The following SASH1 variants were observed in gnomAD, a reference collection of about 807,000 sequenced individuals.
SASH1 encodes SAM and SH3 domain-containing protein 1.
In SASH1, 44 loss-of-function variants were observed where a neutral mutation model predicts 125.2. The ratio of observed to expected loss-of-function variants is 0.35; its 90% CI spans 0.28 to 0.45. SASH1 has a LOEUF of 0.45. Among genes scored for constraint, SASH1 ranks in the 20% least tolerant of loss-of-function variants. The pLI, the probability that SASH1 is intolerant of heterozygous loss-of-function variation, is 1.00. For missense variants in SASH1, 1,426 were observed against 1,614.5 expected (o/e 0.88, Z 2.00); for synonymous variants, 639 against 649.1 (o/e 0.98, Z 0.24).
At chr6:148,522,236 A>G (rs1780861158) in intron 10 of SASH1, among the ~76,000 whole-genome samples, 1 of 152,252 alleles carries the variant, frequency 6.6e-6, no homozygotes. Context: ...AGGAAGTTAT[A>G]TATTTGCATA....
rs769692032 is a variant in SASH1 at position 148,532,868 on chromosome 6, G to A, written c.1636G>A (p.Asp546Asn). The A allele has an allele frequency of 6.2e-7, 1 of 1,614,246 alleles. No homozygotes were observed. The highest frequency in any genetic ancestry group is 8.5e-7 in the Non-Finnish European group (1 of 1,180,048). ...AAGCGTCAAGTCGGAAGATGGGGAT[G>A]ACGAAGAGCCGCCTTACCGAGGCCC... ...RESVKSEDGD[D>N]EEPPYRGPFC... is the part of the protein sequence containing the mutation. Residue 546 changes from aspartate to asparagine, a missense_variant, in exon 14 of 20, where the codon GAC becomes AAC. Asp to Asn is a conservative substitution (Grantham distance 23, BLOSUM62 1). Around this residue, in one of 3 missense-constraint regions of SASH1, gnomAD observed 225 missense variants for 344.5 expected, o/e 0.65. Coordinates refer to ENST00000367467, the MANE Select transcript of SASH1 (RefSeq NM_015278.5). The surrounding 1 kb of genome is among the most constrained non-coding windows in gnomAD (Gnocchi z 4.7).
intron 4 of SASH1, among the ~76,000 whole-genome samples, chr6:148,443,043 TG>T (rs1433837361): frequency 2.0e-5 from 3 of 151,526 alleles, no homozygotes; most frequent in African/African-American, 7.3e-5. Flanking sequence ...CCCAAAGTGC[TG>T]GGATTACAGG....
At chr6:148,508,305 G>A (rs6935952) in intron 8 of SASH1, 94,658 of 166,676 alleles carry the variant, frequency 0.57, 27,163 homozygotes, top group Admixed American at 0.69. Flanking sequence ...AATTGAGACT[G>A]CTCCCTTAAG....
chr6:148,303,539 G>A (rs966775046), intron 1 of SASH1, among the ~76,000 whole-genome samples: 2 of 152,112 alleles, frequency 1.3e-5, no homozygotes, highest in Admixed American at 6.6e-5. Context: ...GCTCACGCCT[G>A]TAATCCCAGC....
chr6:148,381,617 C>CTTTTTTTTTTTTTTTTTTTTTTTTTTTT (rs201145545), intron 1 of SASH1, among the ~76,000 whole-genome samples: 1 of 77,896 alleles, frequency 1.3e-5, no homozygotes, highest in African/African-American at 5.2e-5. Context: ...TTCTTGCTTT[C>CTTTTTTTTTTTTTTTTTTTTTTTTTTTT]TTTTTTTTTT....
Position 148,532,948 on chromosome 6 carries a change from A to G in SASH1, c.1716A>G (p.Thr572=). 6.2e-7 allele frequency: 1 copy of G among 1,614,092 alleles called. No homozygotes were observed. The highest frequency in any genetic ancestry group is 8.5e-7 in the Non-Finnish European group (1 of 1,179,972). ...HTDFTPSPYD[T]DSLKLKKGDI... ...ACTTCACCCCCAGTCCCTATGACAC[A>G]GACTCACTCAAGCTCAAGGTATCTC... Residue 572 remains threonine, a synonymous_variant, in exon 14 of 20, where the codon ACA becomes ACG. Transcript: ENST00000367467. This position sits in a 1 kb window ranked among gnomAD's most constrained non-coding sequence, Gnocchi z 4.7.
the SASH1 span, among the ~76,000 whole-genome samples, chr6:148,261,594 T>C: frequency 6.6e-6 from 1 of 152,142 alleles, no homozygotes; most frequent in Non-Finnish European, 1.5e-5. Flanking sequence ...AGAGATTCAC[T>C]TCATAACGAG....
At chr6:148,245,839 A>G in the SASH1 span, among the ~76,000 whole-genome samples, 1 of 152,006 alleles carries the variant, frequency 6.6e-6, no homozygotes, top group Non-Finnish European at 1.5e-5. Context: ...ATACAAAAAA[A>G]TTAGCCGGGC....
At chr6:148,460,459 A>T (rs994449435) in intron 4 of SASH1, among the ~76,000 whole-genome samples, 1 of 152,202 alleles carries the variant, frequency 6.6e-6, no homozygotes, top group Non-Finnish European at 1.5e-5. Flanking sequence ...TAAAGATTAG[A>T]TGGTATTACT....
chr6:148,306,099 GGAA>G lies in SASH1; in HGVS notation n.74+33727_74+33729del, dbSNP rs1325280868. Among the ~76,000 whole-genome samples the G allele has an allele frequency of 4.6e-5, 7 of 152,214 alleles. 1 individual carries two copies. In the South Asian group the frequency reaches 1.2e-3, roughly 27 times the overall value. On this transcript the variant is annotated intron_variant and non_coding_transcript_variant, in intron 1 of 3. Coordinates refer to the SASH1 transcript ENST00000367469. The stretch of plus-strand genomic sequence containing the variant: ...TTTTAAAAAAAGAAAACAGAACCCT[GGAA>G]GAAGGAGTTACCTCTACTGATCCCT...
intron 1 of SASH1, among the ~76,000 whole-genome samples, chr6:148,292,287 A>G (rs561683764): frequency 1.8e-4 from 27 of 152,164 alleles, no homozygotes; most frequent in African/African-American, 6.3e-4. Context: ...CATTTAAACC[A>G]CCATCTGCCC....
Position 148,549,705 on chromosome 6 carries a change from C to CTT in SASH1, c.*1150_*1151dup, listed in dbSNP as rs1198751892. The CTT allele has an allele frequency of 5.0e-6, 2 of 397,804 alleles. No individual in the cohort carries two copies. Among genetic ancestry groups the CTT allele is most frequent in the African/African-American group, 4.1e-5 (2 of 48,538 alleles). The allele number at this position is 397,804 out of a possible 1,614,324, so 24.6% of individuals were successfully genotyped here. ...TCCTTCTTTTTTTATTTAGATAATT[C>CTT]TTTTAATTTAAACAAAGGTTCACTA... On this transcript the variant is annotated 3_prime_UTR_variant, in exon 20 of 20. Transcript: ENST00000367467.
chr6:148,383,053 G>A (rs930155732), intron 1 of SASH1, among the ~76,000 whole-genome samples: 1 of 152,244 alleles, frequency 6.6e-6, no homozygotes, highest in Non-Finnish European at 1.5e-5. Flanking sequence ...TACAGTCAGT[G>A]AATGTCTGCA....
intron 8 of SASH1, among the ~76,000 whole-genome samples, chr6:148,503,006 G>T (rs750344034): frequency 3.9e-5 from 6 of 152,136 alleles, no homozygotes; most frequent in African/African-American, 7.2e-5. Flanking sequence ...ACCCTCAGAC[G>T]TCTAGATGAT....
At chr6:148,451,358 T>C (rs1190420531) in intron 4 of SASH1, among the ~76,000 whole-genome samples, 2 of 152,198 alleles carry the variant, frequency 1.3e-5, no homozygotes, top group Non-Finnish European at 2.9e-5. Flanking sequence ...CTTGTAAATA[T>C]CAACATTATA....
intron 1 of SASH1, among the ~76,000 whole-genome samples, chr6:148,318,197 T>C (rs1780530406): frequency 6.6e-6 from 1 of 152,182 alleles, no homozygotes; most frequent in Non-Finnish European, 1.5e-5. Context: ...ATTGAATTTG[T>C]CTCCATGAAT....
At chr6:148,421,153 GAAAGA>G (rs1562396424) in intron 2 of SASH1, among the ~76,000 whole-genome samples, 2,389 of 80,660 alleles carry the variant, frequency 0.03, 53 homozygotes, top group African/African-American at 0.041. Context: ...AAGGAAGAAA[GAAAGA>G]AAGAAAGAAA....
At chr6:148,377,166 T>A (rs1583047973) in intron 1 of SASH1, among the ~76,000 whole-genome samples, 1 of 89,328 alleles carries the variant, frequency 1.1e-5, no homozygotes, top group East Asian at 2.9e-4. Context: ...CGAGACTCCG[T>A]CTCAAAAAAA....
intron 2 of SASH1, among the ~76,000 whole-genome samples, chr6:148,411,676 T>C (rs1260100505): frequency 6.6e-6 from 1 of 152,158 alleles, no homozygotes. Flanking sequence ...CCCAAGTAGC[T>C]GGGATTATAG....
Sources: allele counts gnomAD v4.1 joint callset (sites outside exome capture counted in the v4.1 genomes callset), GRCh38; gene constraint gnomAD v4.1.1; regional missense constraint gnomAD v4.1.1; non-coding constraint Gnocchi (gnomAD v3.1); transcripts MANE v1.5; gene names NCBI Gene and HGNC (gene_info 2026-07-23, HGNC 2026-07-21).